The following BMPR1B variants were observed in gnomAD, a reference collection of about 807,000 sequenced individuals.
The protein encoded by BMPR1B is bone morphogenetic protein receptor type 1B.
Under a neutral mutation model 59.1 loss-of-function variants are expected in BMPR1B, and 12 were observed. That is an observed-to-expected ratio of 0.20 (90% CI 0.13 to 0.33). The LOEUF (loss-of-function observed/expected upper bound fraction) is 0.33, where lower values mean the gene tolerates loss of function less well. Among genes scored for constraint, BMPR1B ranks in the 10% least tolerant of loss-of-function variants. The pLI is 1.00. For missense variants in BMPR1B, 550 were observed against 610.9 expected (o/e 0.90, Z 1.05); for synonymous variants, 237 against 207.3 (o/e 1.14, Z -1.23).
chr4:94,837,499 T>A (rs1232038169), intron 1 of BMPR1B, among the ~76,000 whole-genome samples: 1 of 145,390 alleles, frequency 6.9e-6, no homozygotes, highest in Non-Finnish European at 1.5e-5. Context: ...GATTCCTGGG[T>A]ATTTTATTGT....
chr4:95,128,001 C>T (rs936594176), intron 8 of BMPR1B, among the ~76,000 whole-genome samples: 3 of 151,934 alleles, frequency 2.0e-5, no homozygotes, highest in African/African-American at 7.3e-5. Flanking sequence ...CCTCCCACCT[C>T]AGCCTCCCAA....
chr4:94,841,250 A>G (rs561161562), intron 1 of BMPR1B, among the ~76,000 whole-genome samples: 7 of 147,290 alleles, frequency 4.8e-5, no homozygotes, highest in South Asian at 2.2e-4. Flanking sequence ...GGTGGAGCCT[A>G]CAGAGGCAGG....
intron 3 of BMPR1B, among the ~76,000 whole-genome samples, chr4:95,068,763 A>G (rs1467579661): frequency 6.6e-6 from 1 of 152,182 alleles, no homozygotes; most frequent in Non-Finnish European, 1.5e-5. Context: ...CCCAGTCACA[A>G]ACTTCAACTT....
At chr4:94,837,355 TG>T (rs1724866189) in intron 1 of BMPR1B, among the ~76,000 whole-genome samples, 1 of 146,826 alleles carries the variant, frequency 6.8e-6, no homozygotes, top group African/African-American at 2.5e-5. Flanking sequence ...TTGGGCAGTA[TG>T]GCCATTTTCA....
chr4:95,139,280 C>T lies in BMPR1B; in HGVS notation c.1076+7768C>T, dbSNP rs538238192. On this transcript the variant is annotated intron_variant, in intron 10 of 12. Coordinates refer to ENST00000515059, the MANE Select transcript of BMPR1B (RefSeq NM_001203.3). ...TGCCTGATCCTTCATCTGGAAGCTT[C>T]GTCTCAGAGGGGCACCTGGCTGTAT... Among the ~76,000 whole-genome samples the T allele has an allele frequency of 2.7e-3, 418 of 152,240 alleles. 2 individuals carry two copies. The highest frequency in any genetic ancestry group is 9.4e-3 in the African/African-American group (392 of 41,562).
At chr4:94,976,850 A>G (rs1425072264) in intron 2 of BMPR1B, among the ~76,000 whole-genome samples, 1 of 151,416 alleles carries the variant, frequency 6.6e-6, no homozygotes, top group African/African-American at 2.4e-5. Flanking sequence ...TAATCAGTCC[A>G]TCTCCTGGGA....
Position 95,115,760 on chromosome 4 carries a change from C to T in BMPR1B, c.322C>T (p.Pro108Ser). The change falls in exon 6 of 13, where the codon CCT becomes TCT. Residue 108 changes from proline (P) to serine (S), a missense_variant. Coordinates refer to ENST00000515059, the MANE Select transcript of BMPR1B (RefSeq NM_001203.3). ...GAACGAATGTAATAAAGACCTACACCCTACACTGCCTCCATTGAAAAACAG... is the reference window on the plus strand; with the variant it reads ...GAACGAATGTAATAAAGACCTACACTCTACACTGCCTCCATTGAAAAACAG... Reference protein sequence around the residue: ...ERNECNKDLHPTLPPLKNRDF... With the variant: ...ERNECNKDLHSTLPPLKNRDF... 6.2e-7 allele frequency: 1 copy of T among 1,613,006 alleles called. No individual in the cohort carries two copies. Among genetic ancestry groups the T allele is most frequent in the South Asian group, 1.1e-5 (1 of 91,082 alleles).
intron 10 of BMPR1B, among the ~76,000 whole-genome samples, chr4:95,134,197 T>G (rs1002147919): frequency 2.6e-5 from 4 of 152,202 alleles, no homozygotes; most frequent in Non-Finnish European, 5.9e-5. Context: ...ACAAAGAATA[T>G]GAACTCATCC....
chr4:95,069,302 G>T (rs996113745), intron 3 of BMPR1B, among the ~76,000 whole-genome samples: 4 of 152,274 alleles, frequency 2.6e-5, no homozygotes, highest in Middle Eastern at 3.4e-3. Context: ...AGCAATCAGA[G>T]TAGAAGTTTT....
At position 95,034,116 on chromosome 4, in the gene BMPR1B, C is replaced by T. The variant is rs372688765; in HGVS notation, c.-18+37982C>T. ...AGACTCTCTGGAAAGATAGGAGAATCAGTTAGAAGAGACACAACCAAGAAC... is the reference window on the plus strand; with the variant it reads ...AGACTCTCTGGAAAGATAGGAGAATTAGTTAGAAGAGACACAACCAAGAAC... On this transcript the variant is annotated intron_variant, in intron 3 of 12. Transcript: ENST00000515059. 2.6e-4 allele frequency among the ~76,000 whole-genome samples: 40 copies of T among 152,184 alleles called. No homozygotes were observed. In the South Asian group the frequency reaches 7.5e-3, roughly 28 times the overall value.
intron 6 of BMPR1B, among the ~76,000 whole-genome samples, chr4:95,123,467 G>A (rs1732673298): frequency 6.6e-6 from 1 of 152,082 alleles, no homozygotes; most frequent in Admixed American, 6.5e-5. Context: ...CCCATGAGCT[G>A]CGTCTGTAAT....
chr4:94,801,202 G>A (rs770960664), intron 1 of BMPR1B, among the ~76,000 whole-genome samples: 16 of 152,170 alleles, frequency 1.1e-4, no homozygotes, highest in East Asian at 3.9e-4. Context: ...AATTCTCCCC[G>A]ACTCCCACTT....
At chr4:94,780,757 C>T (rs1157669944) in intron 1 of BMPR1B, among the ~76,000 whole-genome samples, 1 of 142,110 alleles carries the variant, frequency 7.0e-6, no homozygotes, top group South Asian at 2.3e-4. Context: ...GGTGCCATCT[C>T]AGCTCACTGC....
intron 1 of BMPR1B, among the ~76,000 whole-genome samples, chr4:94,837,035 T>A (rs1724847994): frequency 7.0e-6 from 1 of 143,626 alleles, no homozygotes; most frequent in South Asian, 2.4e-4. Flanking sequence ...CCATTGCTTG[T>A]TTTTCTCAGG....
chr4:94,803,184 A>G (rs969930722), intron 1 of BMPR1B, among the ~76,000 whole-genome samples: 4 of 152,068 alleles, frequency 2.6e-5, no homozygotes, highest in Non-Finnish European at 5.9e-5. Flanking sequence ...TGTGACTCCC[A>G]TTTGGTATTG....
Position 94,909,049 on chromosome 4 carries a change from G to A in BMPR1B, c.-113+33149G>A, listed in dbSNP as rs148546037. ...TTTTCCCAGCTTCTGGTAGCTCCTG[G>A]TGATCACTGGTGGTGTTTGGTTTGT... On this transcript the variant is annotated intron_variant, in intron 2 of 12. Transcript: ENST00000515059. Among the ~76,000 whole-genome samples, 978 of 152,144 alleles carry A rather than the reference G, an allele frequency of 6.4e-3. 12 individuals are homozygous for A. Among genetic ancestry groups the A allele is most frequent in the African/African-American group, 0.023 (943 of 41,536 alleles).
intron 3 of BMPR1B, among the ~76,000 whole-genome samples, chr4:95,087,744 TAAATA>T (rs1244040058): frequency 6.6e-6 from 1 of 151,774 alleles, no homozygotes; most frequent in African/African-American, 2.4e-5. Context: ...AAAAAATAAA[TAAATA>T]AAAGAAAGAA....
intron 1 of BMPR1B, among the ~76,000 whole-genome samples, chr4:94,818,539 T>G (rs1002958838): frequency 4.6e-5 from 7 of 152,162 alleles, no homozygotes; most frequent in African/African-American, 1.7e-4. Context: ...GTATTGTAGG[T>G]GCTTAGATTA....
chr4:95,041,931 T>C (rs1246890461), intron 3 of BMPR1B, among the ~76,000 whole-genome samples: 7 of 152,066 alleles, frequency 4.6e-5, no homozygotes, highest in Non-Finnish European at 8.8e-5. Flanking sequence ...CTCAATTCAC[T>C]GCAAGCTCCA....
Sources: allele counts gnomAD v4.1 joint callset (sites outside exome capture counted in the v4.1 genomes callset), GRCh38; gene constraint gnomAD v4.1.1; transcripts MANE v1.5; gene names NCBI Gene and HGNC (gene_info 2026-07-23, HGNC 2026-07-21).